MRTFA: variants seen among roughly 807,000 people sequenced by gnomAD.
The protein encoded by MRTFA is myocardin related transcription factor A, also known as myocardin-related transcription factor A.
A neutral mutation model predicts 83.5 loss-of-function variants in MRTFA; 20 were observed. The observed-to-expected ratio is 0.24, with a 90% CI of 0.17 to 0.35. MRTFA has a LOEUF of 0.35. MRTFA is among the 10% of genes least tolerant of loss of function. MRTFA has a pLI of 1.00. For missense variants in MRTFA, 1,200 were observed against 1,224.7 expected, an observed-to-expected ratio of 0.98 and a Z score of 0.30; for synonymous variants, 659 against 541.2, an observed-to-expected ratio of 1.22 and a Z score of -3.02.
At chr22:40,587,071 TC>T in intron 2 of MRTFA, 1 of 456,484 alleles carries the variant, frequency 2.2e-6, no homozygotes. Context: ...AGGAGGTTTG[TC>T]CCCAGGACTC....
intron 2 of MRTFA, among the ~76,000 whole-genome samples, chr22:40,565,535 A>C (rs2055690489): frequency 6.6e-6 from 1 of 152,168 alleles, no homozygotes; most frequent in African/African-American, 2.4e-5. Flanking sequence ...CAACAGAGCG[A>C]GACTCGATCC....
chr22:40,620,423 CTTTTTTTT>C (rs747409456), intron 1 of MRTFA, among the ~76,000 whole-genome samples: 5 of 94,198 alleles, frequency 5.3e-5, no homozygotes, highest in African/African-American at 1.8e-4. Flanking sequence ...AACATGCAGT[CTTTTTTTT>C]TTTTTTTTTT....
At chr22:40,504,044 T>C (rs1475714954) in intron 3 of MRTFA, among the ~76,000 whole-genome samples, 1 of 152,196 alleles carries the variant, frequency 6.6e-6, no homozygotes, top group East Asian at 1.9e-4. Context: ...TAAATGTAAA[T>C]GGTAAATAAA....
intron 3 of MRTFA, among the ~76,000 whole-genome samples, chr22:40,489,138 C>CA (rs1301495910): frequency 6.6e-6 from 1 of 151,824 alleles, no homozygotes; most frequent in East Asian, 1.9e-4. Flanking sequence ...AATAATAAAA[C>CA]ACAAGACACA....
intron 2 of MRTFA, among the ~76,000 whole-genome samples, chr22:40,552,596 C>T (rs905682757): frequency 6.6e-6 from 1 of 152,178 alleles, no homozygotes; most frequent in African/African-American, 2.4e-5. Context: ...TTTTGCTCTG[C>T]ACTTCTCCTT....
chr22:40,626,689 A>C (rs1179712552), intron 1 of MRTFA, among the ~76,000 whole-genome samples: 1 of 152,184 alleles, frequency 6.6e-6, no homozygotes, highest in Non-Finnish European at 1.5e-5. Context: ...TATATCCATC[A>C]TATAACTAAA....
chr22:40,501,764 C>T (rs1158194533), intron 3 of MRTFA, among the ~76,000 whole-genome samples: 1 of 57,046 alleles, frequency 1.8e-5, no homozygotes, highest in African/African-American at 8.1e-5. Context: ...TGGGCAGAGG[C>T]GCCCCTCACC....
chr22:40,417,116 T>A (rs1045912588), intron 13 of MRTFA, 70 bp from the exon 14 acceptor site: 24 of 1,498,042 alleles, frequency 1.6e-5, no homozygotes, highest in Middle Eastern at 1.7e-4. Flanking sequence ...GAACTACGAA[T>A]GAGGCCCCTC....
intron 3 of MRTFA, among the ~76,000 whole-genome samples, chr22:40,538,080 A>G (rs2055217840): frequency 4.7e-5 from 1 of 21,260 alleles, no homozygotes; most frequent in Non-Finnish European, 1.0e-4. Context: ...CCAACAGCTC[A>G]TTGAGAACGG....
chr22:40,485,456 A>T (rs558915797), intron 3 of MRTFA, among the ~76,000 whole-genome samples: 1 of 152,284 alleles, frequency 6.6e-6, no homozygotes, highest in South Asian at 2.1e-4. Flanking sequence ...GGAGACTCCA[A>T]TGGTGTGTGA....
intron 3 of MRTFA, among the ~76,000 whole-genome samples, chr22:40,535,573 G>A (rs995831948): frequency 6.6e-5 from 10 of 151,834 alleles, no homozygotes; most frequent in Non-Finnish European, 1.5e-4. Flanking sequence ...GGCTGGTCTC[G>A]AACTCCTAAG....
intron 3 of MRTFA, among the ~76,000 whole-genome samples, chr22:40,492,530 G>C (rs1272472391): frequency 6.6e-6 from 1 of 152,140 alleles, no homozygotes; most frequent in Non-Finnish European, 1.5e-5. Context: ...ACCCAAAATA[G>C]TAAACAGTTG....
chr22:40,449,525 G>A (rs559722658), intron 4 of MRTFA, among the ~76,000 whole-genome samples: 42 of 152,302 alleles, frequency 2.8e-4, no homozygotes, highest in African/African-American at 9.4e-4. Flanking sequence ...AGATTCCTAG[G>A]CCTTAAGAAT....
At chr22:40,486,682 G>C (rs1392141654) in intron 3 of MRTFA, among the ~76,000 whole-genome samples, 5 of 152,176 alleles carry the variant, frequency 3.3e-5, no homozygotes, top group African/African-American at 1.2e-4. Context: ...AACACTTTAA[G>C]TTCGTATTAA....
intron 1 of MRTFA, among the ~76,000 whole-genome samples, chr22:40,629,238 G>A (rs968401276): frequency 6.6e-6 from 1 of 151,858 alleles, no homozygotes. Context: ...GAAGTCAGGA[G>A]TTTGAGACCA....
intron 4 of MRTFA, among the ~76,000 whole-genome samples, chr22:40,452,805 C>CAAAAAAA (rs34486531): frequency 1.6e-5 from 1 of 62,666 alleles, no homozygotes. Flanking sequence ...CACTCCGTCT[C>CAAAAAAA]AAAAAAAAAA....
intron 3 of MRTFA, among the ~76,000 whole-genome samples, chr22:40,544,807 C>T (rs1244178928): frequency 6.6e-6 from 1 of 152,080 alleles, no homozygotes; most frequent in Non-Finnish European, 1.5e-5. Flanking sequence ...CATGGTGGCA[C>T]ACTCCTGTAG....
chr22:40,592,712 C>T (rs1313308117), intron 2 of MRTFA, among the ~76,000 whole-genome samples: 1 of 151,958 alleles, frequency 6.6e-6, no homozygotes, highest in Admixed American at 6.6e-5. Flanking sequence ...AGGCTGGTTT[C>T]AAACTCCTGG....
intron 1 of MRTFA, among the ~76,000 whole-genome samples, chr22:40,626,278 C>A (rs1004066342): frequency 1.3e-5 from 2 of 151,346 alleles, no homozygotes; most frequent in Non-Finnish European, 2.9e-5. Flanking sequence ...GGCTACCATG[C>A]CTGTCCTAAG....
Sources: allele counts gnomAD v4.1 joint callset (sites outside exome capture counted in the v4.1 genomes callset), GRCh38; gene constraint gnomAD v4.1.1; transcripts MANE v1.5; gene names NCBI Gene and HGNC (gene_info 2026-07-23, HGNC 2026-07-21).